Variants in FNBP1 observed in about 807,000 individuals in gnomAD.
FNBP1 encodes formin-binding protein 1.
In FNBP1, 26 loss-of-function variants were observed where a neutral mutation model predicts 90.6. The observed-to-expected ratio is 0.29, with a 90% confidence interval of 0.21 to 0.40. The LOEUF (loss-of-function observed/expected upper bound fraction) is 0.40. FNBP1 is among the 10% of genes least tolerant of loss of function. FNBP1 has a pLI of 1.00. For missense variants in FNBP1, 635 were observed against 768.0 expected (o/e 0.83, Z 2.05); for synonymous variants, 260 against 265.2 (o/e 0.98, Z 0.19).
chr9:129,901,293 C>T (rs2036888644), intron 13 of FNBP1, among the ~76,000 whole-genome samples: 1 of 152,024 alleles, frequency 6.6e-6, no homozygotes, highest in East Asian at 1.9e-4. Context: ...GTAATCCCAG[C>T]ACTTTGGGAG....
chr9:129,963,734 C>T (rs2133030635), intron 4 of FNBP1, among the ~76,000 whole-genome samples: 1 of 151,910 alleles, frequency 6.6e-6, no homozygotes, highest in South Asian at 2.1e-4. Context: ...CCTGCCTCAG[C>T]CTCCTGAGTA....
chr9:130,042,881 C>G lies in FNBP1; in HGVS notation c.24+71G>C. 5.5e-6 allele frequency: 6 copies of G among 1,086,010 alleles called. No homozygotes were observed. The highest frequency in any genetic ancestry group is 5.8e-6 in the Non-Finnish European group (5 of 855,980). The allele number at this position is 1,086,010 out of a possible 1,614,324, so 67.3% of individuals were successfully genotyped here. On this transcript the variant is annotated intron_variant, in intron 1 of 16. Transcript: ENST00000446176. The surrounding 1 kb of genome is among the most constrained non-coding windows in gnomAD (Gnocchi z 5.5). Reference sequence around the variant, plus strand: ...CCTCCGCCCAGCAGCGCGGCCCGCGCCCCCTCCCCAGGCCGCGGGGAAACG... The same window carrying G: ...CCTCCGCCCAGCAGCGCGGCCCGCGGCCCCTCCCCAGGCCGCGGGGAAACG...
At chr9:129,922,456 G>A (rs1392536392) in intron 10 of FNBP1, among the ~76,000 whole-genome samples, 3 of 152,108 alleles carry the variant, frequency 2.0e-5, no homozygotes, top group African/African-American at 7.2e-5. Flanking sequence ...TCTAAATCCC[G>A]GCTCTGTATC....
chr9:129,924,602 C>A (rs575473868), intron 9 of FNBP1, among the ~76,000 whole-genome samples: 7 of 152,138 alleles, frequency 4.6e-5, no homozygotes, highest in Non-Finnish European at 1.0e-4. Flanking sequence ...GTAACGATTT[C>A]CAGTAGATGT....
intron 10 of FNBP1, among the ~76,000 whole-genome samples, chr9:129,916,626 AC>A (rs1310640238): frequency 1.3e-5 from 2 of 151,652 alleles, no homozygotes; most frequent in Non-Finnish European, 2.9e-5. Context: ...CAAAAAAAAA[AC>A]AAAAAAAAAA....
chr9:130,010,314 C>G (rs2056376477), intron 1 of FNBP1, among the ~76,000 whole-genome samples: 1 of 152,188 alleles, frequency 6.6e-6, no homozygotes, highest in African/African-American at 2.4e-5. Flanking sequence ...CTTTCTCCAT[C>G]TCTCTTGCAA....
At chr9:130,035,131 A>G (rs2059194725) in intron 1 of FNBP1, among the ~76,000 whole-genome samples, 1 of 152,232 alleles carries the variant, frequency 6.6e-6, no homozygotes, top group Non-Finnish European at 1.5e-5. Context: ...CCTGGGCAAC[A>G]TGGAGAAGTG....
intron 4 of FNBP1, among the ~76,000 whole-genome samples, chr9:129,975,703 A>T (rs1164740880): frequency 6.6e-6 from 1 of 152,064 alleles, no homozygotes; most frequent in East Asian, 1.9e-4. Context: ...GGAGTGCGAG[A>T]CCAGCCTGGC....
chr9:129,980,454 ATCT>A (rs1002162156), intron 2 of FNBP1, among the ~76,000 whole-genome samples: 3 of 152,064 alleles, frequency 2.0e-5, no homozygotes, highest in African/African-American at 4.8e-5. Flanking sequence ...CTGTGAATAA[ATCT>A]TCTTGAAGGA....
intron 6 of FNBP1, among the ~76,000 whole-genome samples, chr9:129,946,624 A>G (rs2045333296): frequency 6.6e-6 from 1 of 152,238 alleles, no homozygotes; most frequent in Non-Finnish European, 1.5e-5. Context: ...GAACCATACA[A>G]GTTAAATGAA....
intron 12 of FNBP1, among the ~76,000 whole-genome samples, chr9:129,908,432 C>A (rs188883039): frequency 8.0e-4 from 121 of 150,638 alleles, no homozygotes; most frequent in African/African-American, 2.7e-3. Context: ...CTTGAACTCC[C>A]GGACTCAAGC....
chr9:130,008,311 T>G (rs1190663923), intron 1 of FNBP1, among the ~76,000 whole-genome samples: 3 of 152,066 alleles, frequency 2.0e-5, no homozygotes, highest in Admixed American at 1.3e-4. Flanking sequence ...ATTGTGCCAT[T>G]GCACTCCAGC....
chr9:130,050,448 C>T, the FNBP1 span, among the ~76,000 whole-genome samples: 4 of 152,208 alleles, frequency 2.6e-5, no homozygotes, highest in Admixed American at 1.3e-4. Context: ...TCACTTTCTA[C>T]AAAAAGATGC....
At position 129,924,983 on chromosome 9, in the gene FNBP1, A is replaced by G. The variant is rs1157487457; in HGVS notation, c.964T>C (p.Trp322Arg). 6.2e-7 allele frequency: 1 copy of G among 1,613,504 alleles called. No individual in the cohort carries two copies. Among genetic ancestry groups the G allele is most frequent in the Non-Finnish European group, 8.5e-7 (1 of 1,179,716 alleles). The change falls in exon 9 of 17, where the codon TGG becomes CGG. Residue 322 changes from tryptophan to arginine, a missense_variant. Transcript: ENST00000446176. ...ACCTTATTTTTTTTGATGAACGGCC[A>G]TAACTTTCCTTTGGATTTGCCACCA... ...KFGGKSKGKL[W>R]PFIKKNKLMS...
At chr9:130,016,192 A>G (rs534448863) in intron 1 of FNBP1, among the ~76,000 whole-genome samples, 8 of 152,060 alleles carry the variant, frequency 5.3e-5, no homozygotes, top group Non-Finnish European at 1.2e-4. Context: ...CCCAATTCAT[A>G]TGTTGAAACC....
At chr9:130,038,475 G>A (rs1413764936) in intron 1 of FNBP1, among the ~76,000 whole-genome samples, 2 of 140,210 alleles carry the variant, frequency 1.4e-5, no homozygotes, top group African/African-American at 2.7e-5. Flanking sequence ...TCGGCTCACT[G>A]CAACCTCCGC....
intron 1 of FNBP1, among the ~76,000 whole-genome samples, chr9:130,028,423 C>T (rs1375155596): frequency 1.3e-5 from 2 of 152,146 alleles, no homozygotes; most frequent in East Asian, 3.9e-4. Context: ...CACTATTAGT[C>T]TGTCTTCAAA....
intron 1 of FNBP1, among the ~76,000 whole-genome samples, chr9:130,034,522 G>A (rs926653267): frequency 3.3e-5 from 5 of 152,174 alleles, no homozygotes; most frequent in African/African-American, 1.2e-4. Flanking sequence ...AATAGTTTTC[G>A]CCAAGACATA....
At chr9:129,931,193 G>A (rs907966586) in intron 6 of FNBP1, among the ~76,000 whole-genome samples, 2 of 152,156 alleles carry the variant, frequency 1.3e-5, no homozygotes, top group Non-Finnish European at 2.9e-5. Flanking sequence ...TTACTCAGGA[G>A]GCTGAGGCAG....
Sources: allele counts gnomAD v4.1 joint callset (sites outside exome capture counted in the v4.1 genomes callset), GRCh38; gene constraint gnomAD v4.1.1; non-coding constraint Gnocchi (gnomAD v3.1); transcripts MANE v1.5; gene names NCBI Gene and HGNC (gene_info 2026-07-23, HGNC 2026-07-21).